The following NRG1 variants were observed in gnomAD, a reference collection of about 807,000 sequenced individuals.
NRG1 encodes pro-neuregulin-1, membrane-bound isoform.
In NRG1, 18 loss-of-function variants were observed where a neutral mutation model predicts 63.8. That is an observed-to-expected ratio of 0.28 (90% CI 0.19 to 0.42). The LOEUF (loss-of-function observed/expected upper bound fraction) is 0.42. Among genes scored for constraint, NRG1 ranks in the 10% least tolerant of loss-of-function variants. The pLI is 1.00. For synonymous variants in NRG1, 302 were observed against 301.3 expected, an observed-to-expected ratio of 1.00 and a Z score of -0.02; for missense variants, 762 against 814.7, an observed-to-expected ratio of 0.94 and a Z score of 0.79.
At chr8:32,029,294 T>C (rs1817916579) in intron 1 of NRG1, 1 of 152,226 alleles carries the variant, frequency 6.6e-6, no homozygotes, top group Non-Finnish European at 1.5e-5. Flanking sequence ...CATTCTGCCA[T>C]TGTTAATATA....
intron 5 of NRG1, among the ~76,000 whole-genome samples, chr8:32,681,568 A>T (rs1388994201): frequency 6.6e-6 from 1 of 152,162 alleles, no homozygotes; most frequent in Non-Finnish European, 1.5e-5. Context: ...TGGAGAATAT[A>T]TTGATAACAG....
At chr8:31,740,642 G>GAT (rs1815169429) in intron 1 of NRG1, among the ~76,000 whole-genome samples, 1 of 151,464 alleles carries the variant, frequency 6.6e-6, no homozygotes. Flanking sequence ...CTTGGAATTC[G>GAT]ATGTGTGTGT....
intron 1 of NRG1, among the ~76,000 whole-genome samples, chr8:31,856,999 A>C (rs542827400): frequency 7.4e-6 from 1 of 134,242 alleles, no homozygotes; most frequent in Non-Finnish European, 1.6e-5. Context: ...TGCTGGGAGA[A>C]CCACTGCTCT....
At chr8:32,303,183 CCAAAAAAAAAAAA>C (rs749619232) in intron 1 of NRG1, among the ~76,000 whole-genome samples, 3,071 of 59,760 alleles carry the variant, frequency 0.051, 62 homozygotes, top group Middle Eastern at 0.076. Flanking sequence ...AACTCAGTCT[CCAAAAAAAAAAAA>C]AAAAAAAAAA....
chr8:32,511,248 A>G (rs1829159748), intron 1 of NRG1, among the ~76,000 whole-genome samples: 1 of 150,532 alleles, frequency 6.6e-6, no homozygotes, highest in East Asian at 1.9e-4. Context: ...CAACAAATAC[A>G]TCAGTAAACA....
At chr8:32,333,040 C>T (rs150248406) in intron 1 of NRG1, among the ~76,000 whole-genome samples, 1 of 152,282 alleles carries the variant, frequency 6.6e-6, no homozygotes, top group African/African-American at 2.4e-5. Context: ...CACACCCATA[C>T]ACAGTAATTA....
chr8:31,791,250 G>T (rs1454208157), intron 1 of NRG1, among the ~76,000 whole-genome samples: 6 of 151,094 alleles, frequency 4.0e-5, no homozygotes, highest in Admixed American at 3.3e-4. Context: ...TAGTGAGATA[G>T]TAAATAGGTT....
intron 1 of NRG1, among the ~76,000 whole-genome samples, chr8:32,349,131 T>A (rs1463106400): frequency 6.6e-6 from 1 of 152,186 alleles, no homozygotes; most frequent in African/African-American, 2.4e-5. Flanking sequence ...AGTTCACCTT[T>A]ATTTTGAGGA....
chr8:31,919,680 C>T (rs73673938), intron 1 of NRG1, among the ~76,000 whole-genome samples: 500 of 152,152 alleles, frequency 3.3e-3, no homozygotes, highest in African/African-American at 0.012. Context: ...TTGTGAAGAA[C>T]ACATTGAACA....
chr8:32,296,925 G>T (rs1014579153), intron 1 of NRG1, among the ~76,000 whole-genome samples: 2 of 151,942 alleles, frequency 1.3e-5, no homozygotes, highest in African/African-American at 4.8e-5. Flanking sequence ...AACCATCCTG[G>T]CCAACATGAT....
At chr8:31,731,007 G>A (rs1563337365) in intron 1 of NRG1, among the ~76,000 whole-genome samples, 2 of 152,130 alleles carry the variant, frequency 1.3e-5, no homozygotes, top group East Asian at 1.9e-4. Flanking sequence ...TTGAAACAGC[G>A]GTTTTTCTCC....
At chr8:32,118,301 T>C (rs1038391839) in intron 1 of NRG1, among the ~76,000 whole-genome samples, 1 of 151,804 alleles carries the variant, frequency 6.6e-6, no homozygotes, top group East Asian at 1.9e-4. Context: ...TCTGTGAGAG[T>C]TGTCCCCCGA....
At chr8:32,222,693 A>C (rs1022069364) in intron 1 of NRG1, among the ~76,000 whole-genome samples, 1 of 152,168 alleles carries the variant, frequency 6.6e-6, no homozygotes, top group African/African-American at 2.4e-5. Flanking sequence ...TGTCACTGCA[A>C]CCATCACATG....
At chr8:32,290,848 C>A (rs1854111518) in intron 1 of NRG1, among the ~76,000 whole-genome samples, 1 of 152,038 alleles carries the variant, frequency 6.6e-6, no homozygotes, top group Admixed American at 6.6e-5. Context: ...CTCTATCTGG[C>A]TTTATAGTGA....
intron 1 of NRG1, among the ~76,000 whole-genome samples, chr8:32,301,587 A>C (rs1855568253): frequency 6.6e-6 from 1 of 152,218 alleles, no homozygotes; most frequent in African/African-American, 2.4e-5. Context: ...AAAGAGGTTT[A>C]TTGGAGTTAC....
intron 9 of NRG1, among the ~76,000 whole-genome samples, chr8:32,757,587 A>G (rs565160656): frequency 1.3e-5 from 2 of 152,308 alleles, no homozygotes; most frequent in African/African-American, 4.8e-5. Context: ...ACCCTCTAAC[A>G]GTGTTCATCA....
upstream of NRG1, among the ~76,000 whole-genome samples, chr8:32,544,178 G>A (rs940544644): frequency 1.2e-4 from 18 of 152,172 alleles, no homozygotes; most frequent in Admixed American, 8.5e-4. Flanking sequence ...GTTGGAATAT[G>A]CTTGGAATCA....
At chr8:32,535,428 T>A (rs2129519227) in intron 1 of NRG1, among the ~76,000 whole-genome samples, 1 of 152,338 alleles carries the variant, frequency 6.6e-6, no homozygotes, top group Non-Finnish European at 1.5e-5. Context: ...ATGATTGGTG[T>A]TTTATCTTAC....
intron 1 of NRG1, among the ~76,000 whole-genome samples, chr8:31,898,700 T>C (rs1001921661): frequency 3.3e-5 from 5 of 152,100 alleles, no homozygotes; most frequent in African/African-American, 9.7e-5. Flanking sequence ...CAAAAATCTG[T>C]CTCAAAAATA....
Sources: allele counts gnomAD v4.1 joint callset (sites outside exome capture counted in the v4.1 genomes callset), GRCh38; gene constraint gnomAD v4.1.1; transcripts MANE v1.5; gene names NCBI Gene and HGNC (gene_info 2026-07-23, HGNC 2026-07-21).